The following MSR1 variants were observed in gnomAD, a reference collection of about 807,000 sequenced individuals.
MSR1 encodes the protein macrophage scavenger receptor 1.
In MSR1, 53 loss-of-function variants were observed where a neutral mutation model predicts 47.2. That is an observed-to-expected ratio of 1.12 (90% CI 0.90 to 1.41). MSR1 has a LOEUF of 1.41. Among genes scored for constraint, MSR1 ranks in the 40% most tolerant of loss-of-function variants. The probability of loss-of-function intolerance (pLI) is 0.00; values close to 1 mark genes in which losing one functional copy is unlikely to be tolerated. For missense variants in MSR1, 786 were observed against 546.9 expected, an observed-to-expected ratio of 1.44 and a Z score of -4.36; for synonymous variants, 239 against 185.6, an observed-to-expected ratio of 1.29 and a Z score of -2.34.
At chr8:16,171,543 C>G (rs1230845517) in intron 3 of MSR1, among the ~76,000 whole-genome samples, 1 of 151,878 alleles carries the variant, frequency 6.6e-6, no homozygotes, top group African/African-American at 2.4e-5. Context: ...TTGTGGGGAC[C>G]AAGTTTTGGG....
chr8:16,162,837 C>G (rs906724827), intron 5 of MSR1, among the ~76,000 whole-genome samples: 1 of 151,898 alleles, frequency 6.6e-6, no homozygotes, highest in Non-Finnish European at 1.5e-5. Context: ...TATCTTCTTT[C>G]TCTTTGCTTT....
intron 9 of MSR1, among the ~76,000 whole-genome samples, chr8:16,119,496 G>C (rs1011585989): frequency 1.3e-5 from 2 of 151,964 alleles, no homozygotes; most frequent in African/African-American, 4.8e-5. Flanking sequence ...CAAAGTGCTG[G>C]GATTACAGGT....
rs977056734 is a variant in MSR1 at position 16,108,485 on chromosome 8, C to A, written c.*1600G>T. On this transcript the variant is annotated 3_prime_UTR_variant, in exon 10 of 10. Coordinates refer to ENST00000262101, the MANE Select transcript of MSR1 (RefSeq NM_138715.3). Reference sequence around the variant, plus strand: ...ACTGATCTCAGACATCCCAAACAGGCTGATAATGCAAATGATTCTTTCAGA... The same window carrying A: ...ACTGATCTCAGACATCCCAAACAGGATGATAATGCAAATGATTCTTTCAGA... 6.6e-6 allele frequency: 1 copy of A among 151,996 alleles called. No individual in the cohort carries two copies. Among genetic ancestry groups the A allele is most frequent in the Non-Finnish European group, 1.5e-5 (1 of 67,972 alleles). 9.4% of individuals were successfully genotyped at this position (151,996 alleles called of 1,614,324 possible).
intron 7 of MSR1, among the ~76,000 whole-genome samples, chr8:16,145,219 T>C (rs961054617): frequency 6.6e-6 from 1 of 152,118 alleles, no homozygotes. Flanking sequence ...TTAATTGTAA[T>C]TGAGTTGTTT....
chr8:16,137,773 G>A (rs961142071), intron 8 of MSR1, among the ~76,000 whole-genome samples: 9 of 152,024 alleles, frequency 5.9e-5, no homozygotes, highest in African/African-American at 1.9e-4. Context: ...CAGGAGGATC[G>A]CTTGAGGCCA....
At chr8:16,189,478 T>TTATATATATAAAATCTTATTTTA (rs373242253) in intron 1 of MSR1, among the ~76,000 whole-genome samples, 3 of 89,474 alleles carry the variant, frequency 3.4e-5, no homozygotes, top group African/African-American at 6.4e-5. Flanking sequence ...TTTATATATT[T>TTATATATATAAAATCTTATTTTA]TATATATAAA....
intron 8 of MSR1, among the ~76,000 whole-genome samples, chr8:16,125,366 TAGC>T (rs1440841130): frequency 2.0e-5 from 3 of 152,170 alleles, no homozygotes; most frequent in Admixed American, 1.3e-4. Context: ...CAAAGAGACT[TAGC>T]AGTGAGATTT....
intron 3 of MSR1, among the ~76,000 whole-genome samples, chr8:16,170,356 A>AAAC (rs1801447746): frequency 6.6e-6 from 1 of 151,588 alleles, no homozygotes; most frequent in Non-Finnish European, 1.5e-5. Flanking sequence ...TCAAAAAAAA[A>AAAC]AAAACAAAAC....
chr8:16,162,433 G>A (rs1379951457), intron 5 of MSR1, among the ~76,000 whole-genome samples: 4 of 152,028 alleles, frequency 2.6e-5, no homozygotes, highest in East Asian at 1.9e-4. Flanking sequence ...AGAAATGCCC[G>A]AGGTGCTTTT....
intron 5 of MSR1, among the ~76,000 whole-genome samples, chr8:16,155,435 C>G (rs1178462679): frequency 6.6e-6 from 1 of 151,968 alleles, no homozygotes; most frequent in African/African-American, 2.4e-5. Flanking sequence ...AGAGAAAAGA[C>G]AGCAGGCTGG....
intron 6 of MSR1, among the ~76,000 whole-genome samples, chr8:16,153,444 T>C (rs1353571352): frequency 6.6e-6 from 1 of 151,994 alleles, no homozygotes; most frequent in Non-Finnish European, 1.5e-5. Context: ...ACTCGACCTG[T>C]CTTTTATGAG....
chr8:16,150,714 A>G (rs953491670), intron 6 of MSR1, among the ~76,000 whole-genome samples: 1 of 152,054 alleles, frequency 6.6e-6, no homozygotes, highest in Non-Finnish European at 1.5e-5. Flanking sequence ...AAAAAATGCA[A>G]CTCAAGCAAT....
intron 3 of MSR1, among the ~76,000 whole-genome samples, chr8:16,171,223 A>C (rs351569): frequency 7.4e-6 from 1 of 135,674 alleles, no homozygotes; most frequent in Non-Finnish European, 1.5e-5. Context: ...AGCAAGACTC[A>C]GTCTCAAAAA....
Position 16,168,563 on chromosome 8 carries a change from T to A in MSR1, c.525A>T (p.Glu175Asp). The change falls in exon 4 of 10, where the codon GAA becomes GAT. Residue 175 changes from glutamate to aspartate, a missense_variant. Glu to Asp is a conservative substitution (Grantham distance 45). Coordinates refer to ENST00000262101, the MANE Select transcript of MSR1 (RefSeq NM_138715.3). ...TCAAACTTATTAAGGACTTGGAGAT[T>A]TCATCTATTGCATTCCCATGTCCCT... ...SVQGHGNAIDEISKSLISLNT... is the reference protein window; with the variant it reads ...SVQGHGNAIDDISKSLISLNT... 1 of 1,614,112 alleles carries A rather than the reference T, an allele frequency of 6.2e-7. No homozygotes were observed. The highest frequency in any genetic ancestry group is 8.5e-7 in the Non-Finnish European group (1 of 1,179,994).
At chr8:16,112,943 G>GTTT (rs71543671) in intron 9 of MSR1, among the ~76,000 whole-genome samples, 7 of 87,810 alleles carry the variant, frequency 8.0e-5, no homozygotes, top group Admixed American at 2.8e-4. Flanking sequence ...TTTTTTTTAA[G>GTTT]TTTTTTTTTT....
intron 1 of MSR1, among the ~76,000 whole-genome samples, chr8:16,179,498 C>G (rs1381205895): frequency 6.6e-6 from 1 of 152,096 alleles, no homozygotes; most frequent in Non-Finnish European, 1.5e-5. Context: ...ATTTTAATTA[C>G]TCTATTTGCT....
chr8:16,180,416 A>G (rs1448208767), intron 1 of MSR1, among the ~76,000 whole-genome samples: 1 of 152,162 alleles, frequency 6.6e-6, no homozygotes, highest in East Asian at 1.9e-4. Context: ...AGAATTTGCA[A>G]TTCCAACAAA....
At chr8:16,141,326 TG>T (rs1365506552) in intron 8 of MSR1, among the ~76,000 whole-genome samples, 1 of 152,148 alleles carries the variant, frequency 6.6e-6, no homozygotes, top group Non-Finnish European at 1.5e-5. Flanking sequence ...CAAGATTACA[TG>T]TGAGAGTGTT....
intron 8 of MSR1, among the ~76,000 whole-genome samples, chr8:16,122,467 T>G (rs766365426): frequency 9.9e-5 from 15 of 152,222 alleles, no homozygotes; most frequent in Non-Finnish European, 1.9e-4. Context: ...TTTGATTATA[T>G]GAGCATCGTT....
Sources: gnomAD v4.1 joint callset for allele counts (sites outside exome capture counted in the v4.1 genomes callset) on GRCh38, gnomAD v4.1.1 for gene constraint, MANE v1.5 for transcripts, NCBI Gene and HGNC (gene_info 2026-07-23, HGNC 2026-07-21) for gene names.